Variants in ZNF367 observed in about 807,000 individuals in gnomAD.
The protein encoded by ZNF367 is zinc finger protein 367, also known as C2H2 zinc finger protein ZFF29.
In ZNF367, 11 loss-of-function variants were observed where a neutral mutation model predicts 31.8. That is an observed-to-expected ratio of 0.35 (90% confidence interval 0.22 to 0.57). The LOEUF (loss-of-function observed/expected upper bound fraction) is 0.57, where lower values mean the gene tolerates loss of function less well. Ranked by LOEUF, ZNF367 falls within the 20% of genes least tolerant of loss-of-function variation. The pLI, the probability that ZNF367 is intolerant of heterozygous loss-of-function variation, is 0.85. For synonymous variants in ZNF367, 199 were observed against 202.4 expected, an observed-to-expected ratio of 0.98 and a Z score of 0.14; for missense variants, 353 against 484.1, an observed-to-expected ratio of 0.73 and a Z score of 2.54.
intron 3 of ZNF367, among the ~76,000 whole-genome samples, chr9:96,392,909 A>G (rs1214703958): frequency 6.6e-6 from 1 of 152,016 alleles, no homozygotes; most frequent in African/African-American, 2.4e-5. Flanking sequence ...ACACGGCAAA[A>G]TGCCATCTCT....
chr9:96,403,843 A>G (rs1057122530), intron 1 of ZNF367, among the ~76,000 whole-genome samples: 28 of 152,350 alleles, frequency 1.8e-4, no homozygotes, highest in African/African-American at 6.7e-4. Context: ...CCTACCTTAC[A>G]CTATATACAA....
In ZNF367 at chr9:96,417,697, G is replaced by A. The variant is rs1831850834; in HGVS notation, c.336C>T (p.Pro112=). The change falls in exon 1 of 5, where the codon CCC becomes CCT. Residue 112 remains proline (P), a synonymous_variant. Coordinates refer to ENST00000375256, the MANE Select transcript of ZNF367 (RefSeq NM_153695.4). This position sits in a 1 kb window ranked among gnomAD's most constrained non-coding sequence, Gnocchi z 5.0. ...CGGCGGAGGCCGAGGCGGCGGGCGG[G>A]GGCGCGCCCCGGCCACGAAGCCCCG... ...EHSGLRGRGA[P]PPAASASAAA... is the part of the protein sequence containing the mutation. The A allele has an allele frequency of 2.6e-6, 3 of 1,163,112 alleles. No individual in the cohort carries two copies. Among genetic ancestry groups the A allele is most frequent in the South Asian group, 4.3e-5 (1 of 23,320 alleles). The allele number at this position is 1,163,112 out of a possible 1,614,324, so 72.0% of individuals were successfully genotyped here.
intron 1 of ZNF367, among the ~76,000 whole-genome samples, chr9:96,404,231 C>A (rs530539509): frequency 6.6e-6 from 1 of 151,822 alleles, no homozygotes; most frequent in East Asian, 1.9e-4. Context: ...GAGGCCGAGG[C>A]GGGCGGATCA....
At chr9:96,392,685 G>T in intron 3 of ZNF367, 149 bp from the exon 4 acceptor site, 3 of 1,241,796 alleles carry the variant, frequency 2.4e-6, no homozygotes, top group Admixed American at 2.8e-5. Context: ...AATCAAACCA[G>T]CACAGTCTCA....
At chr9:96,412,205 A>T (rs1019853033) in intron 1 of ZNF367, among the ~76,000 whole-genome samples, 2 of 152,204 alleles carry the variant, frequency 1.3e-5, no homozygotes, top group Non-Finnish European at 2.9e-5. Context: ...CTCAGCAGCC[A>T]AGTGCACCTG....
At chr9:96,390,884 GAAAAAAA>G (rs34868065) in intron 4 of ZNF367, among the ~76,000 whole-genome samples, 3 of 56,602 alleles carry the variant, frequency 5.3e-5, no homozygotes, top group Non-Finnish European at 9.5e-5. Context: ...ACCCTGTCTC[GAAAAAAA>G]AAAAAAAAAA....
chr9:96,410,946 C>CAACACTTTT (rs927962750), intron 1 of ZNF367, among the ~76,000 whole-genome samples: 6 of 151,526 alleles, frequency 4.0e-5, no homozygotes, highest in African/African-American at 1.5e-4. Context: ...CCTGTAATCC[C>CAACACTTTT]AACACTTTTA....
intron 1 of ZNF367, among the ~76,000 whole-genome samples, chr9:96,412,002 G>A (rs1831757036): frequency 6.6e-6 from 1 of 152,078 alleles, no homozygotes; most frequent in South Asian, 2.1e-4. Flanking sequence ...TAATTAATAA[G>A]TGCATTATTT....
In ZNF367 at chr9:96,388,362, A is replaced by G; in HGVS notation, c.928T>C (p.Ser310Pro). The change falls in exon 5 of 5, where the codon TCT (serine) becomes CCT (proline). Residue 310 changes from serine to proline, a missense_variant. Physicochemically the swap from Ser to Pro is moderately conservative, Grantham distance 74 (BLOSUM62 -1). Transcript: ENST00000375256. ...EQQDPLEYLQ[S>P]DEEDDEKRGA... ...CTCTTCTCGTCGTCCTCTTCATCAG[A>G]CTGAAGGTATTCCAGAGGGTCCTGC... The G allele has an allele frequency of 6.2e-7, 1 of 1,613,788 alleles. No homozygotes were observed. Among genetic ancestry groups the G allele is most frequent in the Non-Finnish European group, 8.5e-7 (1 of 1,180,038 alleles).
intron 1 of ZNF367, among the ~76,000 whole-genome samples, chr9:96,409,902 T>C (rs186695856): frequency 6.6e-6 from 1 of 152,246 alleles, no homozygotes; most frequent in East Asian, 1.9e-4. Flanking sequence ...AAAATAAATA[T>C]AAAAGAATAT....
chr9:96,392,486 A>C lies in ZNF367; in HGVS notation c.742T>G (p.Tyr248Asp). 6.2e-7 allele frequency: 1 copy of C among 1,613,338 alleles called. No homozygotes were observed. Among genetic ancestry groups the C allele is most frequent in the Non-Finnish European group, 8.5e-7 (1 of 1,179,360 alleles). ...GGCTCCTCTCTCTTCAGCCTGGCGT[A>C]GGGGTGCTTCGGACAGTGGCGGTTT... is the stretch of plus-strand genomic sequence containing the variant. ...HANRHCPKHP[Y>D]ARLKREEPTD... is the part of the protein sequence containing the mutation. The change falls in exon 4 of 5, where the codon TAC (tyrosine) becomes GAC (aspartate). Residue 248 changes from tyrosine (Y) to aspartate (D), a missense_variant. This residue lies in a region of ZNF367 where 101 missense variants were observed against 140.0 expected (regional missense o/e 0.72). Coordinates refer to ENST00000375256, the MANE Select transcript of ZNF367 (RefSeq NM_153695.4).
intron 1 of ZNF367, among the ~76,000 whole-genome samples, chr9:96,399,698 G>C (rs1298684110): frequency 6.6e-6 from 1 of 152,096 alleles, no homozygotes; most frequent in Non-Finnish European, 1.5e-5. Flanking sequence ...CACACCACTA[G>C]TCCCAGCTAC....
At chr9:96,393,087 G>A (rs919614688) in intron 3 of ZNF367, among the ~76,000 whole-genome samples, 1 of 151,954 alleles carries the variant, frequency 6.6e-6, no homozygotes, top group African/African-American at 2.4e-5. Flanking sequence ...CCATCGCAGG[G>A]GTCGGGTGGA....
chr9:96,398,589 T>C (rs2131074669), intron 1 of ZNF367, among the ~76,000 whole-genome samples: 1 of 152,274 alleles, frequency 6.6e-6, no homozygotes, highest in Non-Finnish European at 1.5e-5. Context: ...GTAACTCCAA[T>C]GGCCCATCCC....
At chr9:96,396,147 C>G (rs1202950646) in intron 2 of ZNF367, among the ~76,000 whole-genome samples, 1 of 152,176 alleles carries the variant, frequency 6.6e-6, no homozygotes, top group Admixed American at 6.5e-5. Flanking sequence ...GACATCTAGG[C>G]TGATGCCTGG....
intron 4 of ZNF367, among the ~76,000 whole-genome samples, chr9:96,390,388 G>C (rs1242409543): frequency 6.6e-6 from 1 of 152,176 alleles, no homozygotes; most frequent in Non-Finnish European, 1.5e-5. Flanking sequence ...CAAAAGATAA[G>C]TTCAGCAAGT....
chr9:96,410,002 G>A (rs1187167979), intron 1 of ZNF367, among the ~76,000 whole-genome samples: 4 of 152,236 alleles, frequency 2.6e-5, no homozygotes, highest in Middle Eastern at 3.4e-3. Flanking sequence ...CAGGCCAGGC[G>A]CGGTGGCTCA....
At chr9:96,411,617 T>C (rs571780965) in intron 1 of ZNF367, among the ~76,000 whole-genome samples, 1 of 152,246 alleles carries the variant, frequency 6.6e-6, no homozygotes, top group African/African-American at 2.4e-5. Flanking sequence ...TGCTGACTTT[T>C]GCAATTTGAA....
Position 96,417,644 on chromosome 9 carries a change from T to C in ZNF367, c.389A>G (p.Glu130Gly). 1 of 880,264 alleles carries C rather than the reference T, an allele frequency of 1.1e-6. No homozygotes were observed. The highest frequency in any genetic ancestry group is 1.5e-6 in the Non-Finnish European group (1 of 674,198). The allele number at this position is 880,264 out of a possible 1,614,324, so 54.5% of individuals were successfully genotyped here. A position where few individuals can be genotyped will look rare whatever the true frequency, so the allele number is the denominator to read the frequency against. ...GTGGCCGCTGTCTGGGCTGCTCGCT[T>C]CCTCCTCGTCCTCACCTCCCGAGGC... The part of the protein sequence containing the change: ...AAASGGEDEE[E>G]ASSPDSGHLK... The change falls in exon 1 of 5, where the codon GAA (glutamate) becomes GGA (glycine). Residue 130 changes from glutamate (E) to glycine (G), a missense_variant. Transcript: ENST00000375256. The surrounding 1 kb of genome is among the most constrained non-coding windows in gnomAD (Gnocchi z 5.0).
Sources: gnomAD v4.1 joint callset for allele counts (sites outside exome capture counted in the v4.1 genomes callset) on GRCh38, gnomAD v4.1.1 for gene constraint, gnomAD v4.1.1 regional missense constraint, Gnocchi (gnomAD v3.1) non-coding constraint, MANE v1.5 for transcripts, NCBI Gene and HGNC (gene_info 2026-07-23, HGNC 2026-07-21) for gene names.